The following ACVR1C variants were observed in gnomAD, a reference collection of about 807,000 sequenced individuals.
ACVR1C encodes the protein activin receptor type-1C.
ACVR1C carries 23 observed loss-of-function variants against 57.9 expected under a neutral mutation model. That is an observed-to-expected ratio of 0.40 (90% CI 0.29 to 0.56). The LOEUF is 0.56. Ranked by LOEUF, ACVR1C falls within the 20% of genes least tolerant of loss-of-function variation. The pLI is 0.50. For missense variants in ACVR1C, 480 were observed against 607.9 expected, an observed-to-expected ratio of 0.79 and a Z score of 2.21; for synonymous variants, 214 against 215.3, an observed-to-expected ratio of 0.99 and a Z score of 0.05.
intron 1 of ACVR1C, among the ~76,000 whole-genome samples, chr2:157,617,177 C>A (rs1573958350): frequency 6.6e-6 from 1 of 151,932 alleles, no homozygotes; most frequent in East Asian, 1.9e-4. Context: ...GACTTCCAGA[C>A]AAAGAGTATT....
intron 6 of ACVR1C, among the ~76,000 whole-genome samples, chr2:157,541,792 G>A (rs1355237340): frequency 6.6e-6 from 1 of 152,174 alleles, no homozygotes; most frequent in Non-Finnish European, 1.5e-5. Context: ...GCACTGTCCT[G>A]GAATCTCAAA....
chr2:157,612,222 T>A (rs1366689470), intron 1 of ACVR1C, among the ~76,000 whole-genome samples: 1 of 152,120 alleles, frequency 6.6e-6, no homozygotes, highest in African/African-American at 2.4e-5. Context: ...GTGACTGCAA[T>A]GTTTTGGGGG....
intron 1 of ACVR1C, among the ~76,000 whole-genome samples, chr2:157,603,719 C>T (rs1682330472): frequency 6.6e-6 from 1 of 152,034 alleles, no homozygotes; most frequent in Non-Finnish European, 1.5e-5. Flanking sequence ...TAAACATAAC[C>T]TAATTTATCC....
intron 1 of ACVR1C, among the ~76,000 whole-genome samples, chr2:157,619,244 A>G (rs1405985044): frequency 2.0e-5 from 3 of 151,936 alleles, no homozygotes; most frequent in South Asian, 2.1e-4. Context: ...TGTAAAAAAA[A>G]AAAAGCTCTG....
intron 7 of ACVR1C, 69 bp from the exon 8 acceptor site, chr2:157,538,772 C>A: frequency 1.5e-6 from 2 of 1,316,696 alleles, no homozygotes; most frequent in Non-Finnish European, 9.9e-7. Context: ...TTAAATAATA[C>A]CAATTAAGTT....
intron 1 of ACVR1C, among the ~76,000 whole-genome samples, chr2:157,593,642 C>A (rs546200839): frequency 6.2e-4 from 94 of 152,176 alleles, no homozygotes; most frequent in African/African-American, 2.0e-3. Flanking sequence ...AGGAAAGAAG[C>A]CAGGAAAACT....
At chr2:157,582,268 T>G (rs1573935538) in intron 2 of ACVR1C, among the ~76,000 whole-genome samples, 2 of 152,284 alleles carry the variant, frequency 1.3e-5, no homozygotes, top group South Asian at 4.1e-4. Context: ...AAGGCTGCAG[T>G]GAGCCATGGA....
At position 157,530,957 on chromosome 2, in the gene ACVR1C, T is replaced by C. The variant is rs1687338030; in HGVS notation, c.*2961A>G. 1 of 152,082 alleles carries C rather than the reference T, an allele frequency of 6.6e-6. No individual in the cohort carries two copies. 9.4% of individuals were successfully genotyped at this position (152,082 alleles called of 1,614,324 possible). ...GCATTTAAATCCCATCACCACTTTA[T>C]ACAGTACTGAAAATTCATAATAGTG... On this transcript the variant is annotated 3_prime_UTR_variant, in exon 9 of 9. Transcript: ENST00000243349.
In ACVR1C at chr2:157,562,302, A is replaced by AT. The variant is rs1466716535; in HGVS notation, c.305-5971_305-5970insA. 1.5e-3 allele frequency among the ~76,000 whole-genome samples: 181 copies of AT among 123,454 alleles called. 2 individuals are homozygous for AT. Among genetic ancestry groups the AT allele is most frequent in the Admixed American group, 6.4e-3 (80 of 12,552 alleles). 81.0% of individuals were successfully genotyped at this position (123,454 alleles called of 152,430 possible). A position where few individuals can be genotyped will look rare whatever the true frequency, so the allele number is the denominator to read the frequency against. ...GAGCAAGACACCGTCTCAAAAAAAA[A>AT]AAAATATATATATATATAAAATATA... is the stretch of plus-strand genomic sequence containing the variant. On this transcript the variant is annotated intron_variant, in intron 2 of 8. Coordinates refer to ENST00000243349, the MANE Select transcript of ACVR1C (RefSeq NM_145259.3).
At chr2:157,587,091 C>A in intron 2 of ACVR1C, 96 bp downstream of exon 2, 1 of 1,120,358 alleles carries the variant, frequency 8.9e-7, no homozygotes. Context: ...ACAGATTTTC[C>A]TATTTAAAGA....
chr2:157,553,549 A>T (rs931638379), intron 3 of ACVR1C, among the ~76,000 whole-genome samples: 1 of 152,206 alleles, frequency 6.6e-6, no homozygotes, highest in Non-Finnish European at 1.5e-5. Flanking sequence ...TACTTTCTCA[A>T]ACTAAATCCC....
At chr2:157,558,711 G>A (rs1322029811) in intron 2 of ACVR1C, among the ~76,000 whole-genome samples, 1 of 152,180 alleles carries the variant, frequency 6.6e-6, no homozygotes. Context: ...AATTGGTCTA[G>A]AGTGTTCTTA....
At chr2:157,549,808 AC>A (rs1687866090) in intron 4 of ACVR1C, among the ~76,000 whole-genome samples, 1 of 138,932 alleles carries the variant, frequency 7.2e-6, no homozygotes, top group African/African-American at 2.7e-5. Context: ...ACACGGTGAA[AC>A]CCCGTCTCTA....
At chr2:157,548,786 C>T (rs759513203) in intron 4 of ACVR1C, among the ~76,000 whole-genome samples, 1 of 152,164 alleles carries the variant, frequency 6.6e-6, no homozygotes, top group East Asian at 1.9e-4. Flanking sequence ...ATAACAAACA[C>T]TACTTGGCAC....
At chr2:157,559,249 C>T (rs944879799) in intron 2 of ACVR1C, among the ~76,000 whole-genome samples, 1 of 152,116 alleles carries the variant, frequency 6.6e-6, no homozygotes, top group African/African-American at 2.4e-5. Flanking sequence ...CTTTTGTGAA[C>T]AAATTTACCG....
chr2:157,628,528 A>G (rs947256809), intron 1 of ACVR1C, 44 bp downstream of exon 1: 1 of 1,583,798 alleles, frequency 6.3e-7, no homozygotes, highest in Non-Finnish European at 8.6e-7. Flanking sequence ...ACCTCCTCCC[A>G]GCTCCCACCC....
intron 2 of ACVR1C, among the ~76,000 whole-genome samples, chr2:157,576,267 GC>G (rs1688650819): frequency 7.3e-6 from 1 of 136,838 alleles, no homozygotes; most frequent in Non-Finnish European, 1.5e-5. Flanking sequence ...GTGCAATGGC[GC>G]AATCTCAGCT....
intron 1 of ACVR1C, among the ~76,000 whole-genome samples, chr2:157,591,842 A>G (rs1015134138): frequency 2.0e-5 from 3 of 152,064 alleles, no homozygotes; most frequent in Non-Finnish European, 4.4e-5. Flanking sequence ...TCTCCATTTC[A>G]TACATAACAA....
chr2:157,619,766 G>C (rs541759774), intron 1 of ACVR1C, among the ~76,000 whole-genome samples: 2 of 151,904 alleles, frequency 1.3e-5, no homozygotes, highest in African/African-American at 4.8e-5. Flanking sequence ...GAAAATAACT[G>C]ACAACAAACA....
Sources: allele counts gnomAD v4.1 joint callset (sites outside exome capture counted in the v4.1 genomes callset), GRCh38; gene constraint gnomAD v4.1.1; transcripts MANE v1.5; gene names NCBI Gene and HGNC (gene_info 2026-07-23, HGNC 2026-07-21).